RBL1: variants seen among roughly 807,000 people sequenced by gnomAD.
The protein encoded by RBL1 is retinoblastoma-like protein 1.
A neutral mutation model predicts 123.0 loss-of-function variants in RBL1; 82 were observed. The observed-to-expected ratio is 0.67, with a 90% CI of 0.56 to 0.80. RBL1 has a LOEUF of 0.80. RBL1 is among the 30% of genes least tolerant of loss of function. The pLI is 0.00. For missense variants in RBL1, 1,171 were observed against 1,299.6 expected (o/e 0.90, Z 1.52); for synonymous variants, 405 against 441.3 (o/e 0.92, Z 1.03).
chr20:37,016,684 T>A (rs1385881393), intron 19 of RBL1, among the ~76,000 whole-genome samples: 1 of 151,930 alleles, frequency 6.6e-6, no homozygotes, highest in Non-Finnish European at 1.5e-5. Flanking sequence ...CCCAGCACTT[T>A]GGGAGGCCAT....
chr20:37,012,515 C>G (rs867792683), intron 19 of RBL1, among the ~76,000 whole-genome samples: 1 of 150,418 alleles, frequency 6.6e-6, no homozygotes, highest in African/African-American at 2.4e-5. Flanking sequence ...TCTGCCCCGC[C>G]GCCCCGTCTG....
intron 19 of RBL1, among the ~76,000 whole-genome samples, chr20:37,011,682 G>A (rs1275339207): frequency 6.6e-5 from 10 of 151,984 alleles, no homozygotes; most frequent in Non-Finnish European, 1.5e-4. Flanking sequence ...TGATCTGCCC[G>A]CCTCGGTCTC....
intron 1 of RBL1, among the ~76,000 whole-genome samples, chr20:37,091,316 C>T (rs1024236572): frequency 9.2e-5 from 14 of 151,688 alleles, no homozygotes; most frequent in Admixed American, 8.6e-4. Flanking sequence ...CGAGATCACG[C>T]CACTGCACTC....
intron 9 of RBL1, among the ~76,000 whole-genome samples, chr20:37,060,770 G>A (rs1488217926): frequency 1.3e-5 from 2 of 151,290 alleles, no homozygotes; most frequent in African/African-American, 2.4e-5. Flanking sequence ...GAGACATAGC[G>A]AGACCCTGTC....
rs149380478 is a variant in RBL1 at position 37,031,935 on chromosome 20, A to G, written c.2382+730T>C. 3.7e-4 allele frequency among the ~76,000 whole-genome samples: 53 copies of G among 144,302 alleles called. No homozygotes were observed. The East Asian group carries it at 8.6e-3, about 24-fold the overall frequency. The allele number at this position is 144,302 out of a possible 152,430, so 94.7% of individuals were successfully genotyped here. On this transcript the variant is annotated intron_variant, in intron 16 of 21. Transcript: ENST00000373664. ...TTTTTTTTTTTTTTTTAAAATAGAG[A>G]TAGGGTCTCACTGTGTCGCCCAGGG...
chr20:37,020,828 C>A, intron 17 of RBL1, 98 bp from the exon 18 acceptor site: 2 of 735,222 alleles, frequency 2.7e-6, no homozygotes, highest in South Asian at 1.7e-5. Context: ...AGCAACCTTG[C>A]AGAAAACCAT....
At chr20:37,008,202 G>T (rs1482174069) in intron 19 of RBL1, among the ~76,000 whole-genome samples, 1 of 152,232 alleles carries the variant, frequency 6.6e-6, no homozygotes, top group East Asian at 1.9e-4. Context: ...ATGGGAGGCA[G>T]TGGCAAACCT....
chr20:37,072,963 T>C (rs1184848455), intron 2 of RBL1, among the ~76,000 whole-genome samples: 1 of 152,078 alleles, frequency 6.6e-6, no homozygotes, highest in Admixed American at 6.6e-5. Flanking sequence ...ATATCTCTTA[T>C]TTTTTTGAGA....
chr20:37,053,826 T>C (rs544691145), intron 11 of RBL1, among the ~76,000 whole-genome samples: 120 of 152,286 alleles, frequency 7.9e-4, no homozygotes, highest in Non-Finnish European at 1.4e-3. Context: ...ACATTCACCA[T>C]GATAAAACAT....
At chr20:37,040,753 C>T (rs1025218646) in intron 13 of RBL1, among the ~76,000 whole-genome samples, 6 of 152,200 alleles carry the variant, frequency 3.9e-5, no homozygotes, top group African/African-American at 1.2e-4. Context: ...TGTTAACGAA[C>T]GTATGGAAAG....
intron 2 of RBL1, among the ~76,000 whole-genome samples, chr20:37,087,730 C>T (rs1422586254): frequency 1.3e-5 from 2 of 152,006 alleles, no homozygotes; most frequent in African/African-American, 2.4e-5. Flanking sequence ...TAAGCAAATG[C>T]AATACCTGAT....
chr20:37,060,040 C>G (rs1485330682), intron 9 of RBL1, among the ~76,000 whole-genome samples: 2 of 151,922 alleles, frequency 1.3e-5, no homozygotes, highest in African/African-American at 2.4e-5. Context: ...GGCGTGGTGG[C>G]GCACGCCTGT....
chr20:37,012,982 C>T (rs2146212673), intron 19 of RBL1, among the ~76,000 whole-genome samples: 1 of 151,778 alleles, frequency 6.6e-6, no homozygotes, highest in East Asian at 2.0e-4. Context: ...CAGCCCCCCG[C>T]CCGGCCAGTC....
At position 37,084,773 on chromosome 20, in the gene RBL1, C is replaced by CT. The variant is rs540697448; in HGVS notation, c.290+4215dup. On this transcript the variant is annotated intron_variant, in intron 2 of 21. Coordinates refer to ENST00000373664, the MANE Select transcript of RBL1 (RefSeq NM_002895.5). ...TTTATATATTTGTACATAGGAAGAC[C>CT]TTTTTTTTTGAGACAGAGTTTTGCT... Among the ~76,000 whole-genome samples, 964 of 151,834 alleles carry CT rather than the reference C, an allele frequency of 6.3e-3. 5 individuals carry two copies. The highest frequency in any genetic ancestry group is 9.9e-3 in the Non-Finnish European group (672 of 67,878).
intron 14 of RBL1, among the ~76,000 whole-genome samples, chr20:37,036,872 G>A (rs968392529): frequency 2.6e-5 from 4 of 151,990 alleles, no homozygotes; most frequent in South Asian, 2.1e-4. Context: ...TGATCTGCCC[G>A]CCTCGGCCTC....
In RBL1 at chr20:36,998,000, T is replaced by C. The variant is rs1175883510; in HGVS notation, c.*759A>G. On this transcript the variant is annotated 3_prime_UTR_variant, in exon 22 of 22. Transcript: ENST00000373664. ...ACAGTGGGCCAGAGACAGGATGGTA[T>C]ATAACCCTCTGGCCAGGTACTATGG... 6.6e-6 allele frequency: 1 copy of C among 152,106 alleles called. No homozygotes were observed. Among genetic ancestry groups the C allele is most frequent in the East Asian group, 1.9e-4 (1 of 5,188 alleles). 9.4% of individuals were successfully genotyped at this position (152,106 alleles called of 1,614,324 possible).
At chr20:37,015,930 G>A (rs2064243650) in intron 19 of RBL1, among the ~76,000 whole-genome samples, 1 of 150,524 alleles carries the variant, frequency 6.6e-6, no homozygotes, top group Non-Finnish European at 1.5e-5. Context: ...CACCATCTTG[G>A]CCAGGCTGGT....
intron 12 of RBL1, 70 bp downstream of exon 12, chr20:37,046,983 T>C: frequency 2.7e-6 from 4 of 1,485,678 alleles, no homozygotes; most frequent in Non-Finnish European, 3.6e-6. Context: ...TCTTCAGCAC[T>C]AAGATAAATA....
rs1189961795 is a variant in RBL1, at chr20:37,032,845, C to G, written c.2202G>C (p.Leu734=). Residue 734 remains leucine, a synonymous_variant, in exon 16 of 22, where the codon CTG becomes CTC. Coordinates refer to ENST00000373664, the MANE Select transcript of RBL1 (RefSeq NM_002895.5). The stretch of plus-strand genomic sequence containing the variant: ...GATTTGTATTCATGGAAAGAGGTAT[C>G]AGTGTGATCTCTCCAGCATCATTTG... The part of the protein sequence containing the change: ...GVANDAGEIT[L]IPLSMNTNQE... 2 of 1,613,988 alleles carry G rather than the reference C, an allele frequency of 1.2e-6. No individual in the cohort carries two copies. Among genetic ancestry groups the G allele is most frequent in the Non-Finnish European group, 1.7e-6 (2 of 1,179,988 alleles).
Sources: gnomAD v4.1 joint callset for allele counts (sites outside exome capture counted in the v4.1 genomes callset) on GRCh38, gnomAD v4.1.1 for gene constraint, MANE v1.5 for transcripts, NCBI Gene and HGNC (gene_info 2026-07-23, HGNC 2026-07-21) for gene names.